The following CSGALNACT2 variants were observed in gnomAD, a reference collection of about 807,000 sequenced individuals.
CSGALNACT2 encodes chondroitin sulfate N-acetylgalactosaminyltransferase 2.
A neutral mutation model predicts 55.3 loss-of-function variants in CSGALNACT2; 35 were observed. The observed-to-expected ratio is 0.63, with a 90% CI of 0.48 to 0.84. The LOEUF (loss-of-function observed/expected upper bound fraction) is 0.84, where lower values mean the gene tolerates loss of function less well. Ranked by LOEUF, CSGALNACT2 falls within the 40% of genes least tolerant of loss-of-function variation. CSGALNACT2 has a pLI of 0.00. For synonymous variants in CSGALNACT2, 196 were observed against 224.9 expected, an observed-to-expected ratio of 0.87 and a Z score of 1.15; for missense variants, 544 against 657.5, an observed-to-expected ratio of 0.83 and a Z score of 1.89.
At chr10:43,141,171 G>C (rs1279764531) in intron 1 of CSGALNACT2, among the ~76,000 whole-genome samples, 1 of 152,080 alleles carries the variant, frequency 6.6e-6, no homozygotes, top group African/African-American at 2.4e-5. Flanking sequence ...TGGATTCCAG[G>C]AGTTTGAGAG....
Position 43,155,293 on chromosome 10 carries a change from TGG to T in CSGALNACT2, c.147_148del (p.Glu50LysfsTer4). ...GAAATGCATCTCTTCCTGGTGTTGT[TGG>T]GGAAAATTATGGTAAAGAGTATTAT... is the stretch of plus-strand genomic sequence containing the variant. Reference protein sequence around the residue: ...DGNASLPGVVGENYGKEYYQA... With the variant: ...DGNASLPGVVXENYGKEYYQA... On this transcript the variant is annotated frameshift_variant, in exon 2 of 8. Coordinates refer to ENST00000374466, the MANE Select transcript of CSGALNACT2 (RefSeq NM_018590.5). LOFTEE classifies it high-confidence loss of function. The T allele has an allele frequency of 6.2e-7, 1 of 1,614,146 alleles. No homozygotes were observed. Among genetic ancestry groups the T allele is most frequent in the Non-Finnish European group, 8.5e-7 (1 of 1,180,034 alleles).
intron 6 of CSGALNACT2, among the ~76,000 whole-genome samples, chr10:43,175,270 G>A (rs1449563619): frequency 6.6e-6 from 1 of 152,202 alleles, no homozygotes; most frequent in East Asian, 1.9e-4. Flanking sequence ...TACTAAAGCA[G>A]GCAGCAGGCC....
At chr10:43,165,510 G>T (rs919513222) in intron 5 of CSGALNACT2, among the ~76,000 whole-genome samples, 1 of 152,102 alleles carries the variant, frequency 6.6e-6, no homozygotes, top group Non-Finnish European at 1.5e-5. Context: ...ATTGGGGTGG[G>T]GGGGTGCTGC....
intron 7 of CSGALNACT2, among the ~76,000 whole-genome samples, chr10:43,179,173 C>A (rs761271618): frequency 6.6e-6 from 1 of 150,868 alleles, no homozygotes; most frequent in Admixed American, 6.6e-5. Context: ...AACATACTTA[C>A]AATGGCTGCT....
intron 7 of CSGALNACT2, among the ~76,000 whole-genome samples, chr10:43,176,421 T>G (rs1019848897): frequency 3.3e-5 from 5 of 152,126 alleles, no homozygotes; most frequent in African/African-American, 1.2e-4. Context: ...ACTTTCACAT[T>G]TTTTTGAGAT....
chr10:43,183,561 A>G lies in CSGALNACT2; in HGVS notation c.*19A>G. 6.2e-7 allele frequency: 1 copy of G among 1,604,840 alleles called. No homozygotes were observed. On this transcript the variant is annotated 3_prime_UTR_variant, in exon 8 of 8. Coordinates refer to ENST00000374466, the MANE Select transcript of CSGALNACT2 (RefSeq NM_018590.5). ...TGGTTGAAATCATAATTAATGCGTT[A>G]CTGTATGAACCACAAAACAGCACTA...
At position 43,155,577 on chromosome 10, in the gene CSGALNACT2, A is replaced by G. The variant is rs1564513053; in HGVS notation, c.428A>G (p.Tyr143Cys). 2 of 1,614,234 alleles carry G rather than the reference A, an allele frequency of 1.2e-6. No individual in the cohort carries two copies. The highest frequency in any genetic ancestry group is 1.1e-5 in the South Asian group (1 of 91,086). ...VSIGAKLPSE[Y>C]GVIPFESFTL... Reference sequence around the variant, plus strand: ...ATAGGGGCCAAACTACCCAGTGAGTATGGGGTCATTCCCTTTGAAAGTTTT... The same window carrying G: ...ATAGGGGCCAAACTACCCAGTGAGTGTGGGGTCATTCCCTTTGAAAGTTTT... Residue 143 changes from tyrosine (Y) to cysteine (C), a missense_variant, in exon 2 of 8, where the codon TAT (tyrosine) becomes TGT (cysteine). Tyr to Cys is a radical substitution (Grantham distance 194). Around this residue, in one of 2 missense-constraint regions of CSGALNACT2, gnomAD observed 374 missense variants for 401.3 expected, o/e 0.93. Transcript: ENST00000374466.
intron 1 of CSGALNACT2, among the ~76,000 whole-genome samples, 164 bp downstream of exon 1, chr10:43,138,731 C>T (rs1423052554): frequency 6.6e-6 from 1 of 152,076 alleles, no homozygotes. Flanking sequence ...CTGCCGGAGT[C>T]GGCACCGGTT....
At chr10:43,159,955 A>G (rs533225447) in intron 3 of CSGALNACT2, among the ~76,000 whole-genome samples, 2 of 152,352 alleles carry the variant, frequency 1.3e-5, no homozygotes, top group East Asian at 3.9e-4. Flanking sequence ...TGGCAGTCAT[A>G]CTTCCAAGTG....
At chr10:43,174,614 G>A (rs144517804) in intron 6 of CSGALNACT2, among the ~76,000 whole-genome samples, 110 of 152,244 alleles carry the variant, frequency 7.2e-4, no homozygotes, top group Middle Eastern at 3.4e-3. Context: ...GCTGACTTCT[G>A]TGAAGTCTCT....
At chr10:43,159,074 T>A in intron 3 of CSGALNACT2, 143 bp downstream of exon 3, 1 of 606,176 alleles carries the variant, frequency 1.6e-6, no homozygotes, top group Non-Finnish European at 2.9e-6. Context: ...TTTTATATTC[T>A]CTCTTTTTTT....
intron 1 of CSGALNACT2, among the ~76,000 whole-genome samples, chr10:43,144,307 T>C (rs1838695491): frequency 6.6e-6 from 1 of 152,198 alleles, no homozygotes; most frequent in Non-Finnish European, 1.5e-5. Context: ...TACCAAAAAT[T>C]GTGTATAATC....
In CSGALNACT2 at chr10:43,155,279, C is replaced by T. The variant is rs567494904; in HGVS notation, c.130C>T (p.Leu44Phe). The T allele has an allele frequency of 1.4e-5, 23 of 1,614,152 alleles. No homozygotes were observed. The South Asian group carries it at 2.3e-4, about 16-fold the overall frequency. Reference sequence around the variant, plus strand: ...CCCCCAGACTGATGGAAATGCATCTCTTCCTGGTGTTGTTGGGGAAAATTA... The same window carrying T: ...CCCCCAGACTGATGGAAATGCATCTTTTCCTGGTGTTGTTGGGGAAAATTA... ...CAPQTDGNAS[L>F]PGVVGENYGK... The change falls in exon 2 of 8, where the codon CTT (leucine) becomes TTT (phenylalanine). Residue 44 changes from leucine (L) to phenylalanine (F), a missense_variant. Physicochemically the swap from Leu to Phe is conservative, Grantham distance 22. Coordinates refer to ENST00000374466, the MANE Select transcript of CSGALNACT2 (RefSeq NM_018590.5).
intron 1 of CSGALNACT2, among the ~76,000 whole-genome samples, chr10:43,145,415 T>C (rs1481852242): frequency 6.9e-6 from 1 of 145,252 alleles, no homozygotes; most frequent in East Asian, 2.0e-4. Flanking sequence ...TGTTTCTTTT[T>C]TTTTTTTTTT....
chr10:43,178,350 C>T (rs977173851), intron 7 of CSGALNACT2, among the ~76,000 whole-genome samples: 26 of 152,236 alleles, frequency 1.7e-4, no homozygotes, highest in African/African-American at 5.5e-4. Flanking sequence ...AGGCCAGGCA[C>T]GGTGGCTCAC....
intron 6 of CSGALNACT2, among the ~76,000 whole-genome samples, chr10:43,169,181 C>G (rs1839332889): frequency 6.6e-6 from 1 of 152,138 alleles, no homozygotes; most frequent in South Asian, 2.1e-4. Flanking sequence ...CCCCTGAGAC[C>G]CTGTTCTAAT....
At chr10:43,139,949 G>A (rs994372813) in intron 1 of CSGALNACT2, among the ~76,000 whole-genome samples, 7 of 152,130 alleles carry the variant, frequency 4.6e-5, no homozygotes, top group East Asian at 1.9e-4. Context: ...TTATCCCAGC[G>A]CTTGGGGAGG....
intron 1 of CSGALNACT2, among the ~76,000 whole-genome samples, chr10:43,142,480 G>A (rs184304759): frequency 2.0e-5 from 3 of 152,168 alleles, no homozygotes; most frequent in Non-Finnish European, 2.9e-5. Context: ...GGGATTACAC[G>A]CATGAGCCAC....
rs1839651468 is a variant in CSGALNACT2, at chr10:43,184,356, G to A, written c.*814G>A. ...TGTCTGGGAACATTAGTTTATTTGA[G>A]CCAGCTCTATCAGGGTCTTCCCATG... On this transcript the variant is annotated 3_prime_UTR_variant, in exon 8 of 8. Coordinates refer to ENST00000374466, the MANE Select transcript of CSGALNACT2 (RefSeq NM_018590.5). 1.3e-5 allele frequency: 2 copies of A among 152,206 alleles called. No homozygotes were observed. The highest frequency in any genetic ancestry group is 2.4e-5 in the African/African-American group (1 of 41,452). 9.4% of individuals were successfully genotyped at this position (152,206 alleles called of 1,614,324 possible). A position where few individuals can be genotyped will look rare whatever the true frequency, so the allele number is the denominator to read the frequency against.
Sources: gnomAD v4.1 joint callset for allele counts (sites outside exome capture counted in the v4.1 genomes callset) on GRCh38, gnomAD v4.1.1 for gene constraint, gnomAD v4.1.1 regional missense constraint, MANE v1.5 for transcripts, NCBI Gene and HGNC (gene_info 2026-07-23, HGNC 2026-07-21) for gene names.